The following CDH16 variants were observed in gnomAD, a reference collection of about 807,000 sequenced individuals.
CDH16 encodes the protein cadherin 16, also known as cadherin-16.
A neutral mutation model predicts 87.6 loss-of-function variants in CDH16; 79 were observed. That is an observed-to-expected ratio of 0.90 (90% CI 0.75 to 1.09). The LOEUF (loss-of-function observed/expected upper bound fraction) is 1.09, where lower values mean the gene tolerates loss of function less well. Ranked by LOEUF, CDH16 falls within the 50% of genes least tolerant of loss-of-function variation. The probability of loss-of-function intolerance (pLI) is 0.00; values close to 1 mark genes in which losing one functional copy is unlikely to be tolerated. For missense variants in CDH16, 1,124 were observed against 1,071.7 expected, an observed-to-expected ratio of 1.05 and a Z score of -0.68; for synonymous variants, 457 against 439.5, an observed-to-expected ratio of 1.04 and a Z score of -0.50.
Position 66,910,198 on chromosome 16 carries a change from C to T in CDH16, c.2167+62G>A, listed in dbSNP as rs1436210181. ...ACCCCCATGGTAGAAGGGTATCTCA[C>T]TTCCAAGTGACACCCCCTCCCTGCC... is the stretch of plus-strand genomic sequence containing the variant. On this transcript the variant is annotated intron_variant, in intron 15 of 17. Transcript: ENST00000299752. The T allele has an allele frequency of 4.5e-6, 7 of 1,556,674 alleles. No homozygotes were observed. In the South Asian group the frequency reaches 8.6e-5, roughly 19 times the overall value.
At chr16:66,917,616 G>A (rs573601601) in intron 3 of CDH16, 26 bp downstream of exon 3, 1 of 1,572,918 alleles carries the variant, frequency 6.4e-7, no homozygotes, top group South Asian at 1.1e-5. Context: ...GATCCCCCCG[G>A]CCCCAACCCC....
rs1281324312 is a variant in CDH16 at position 66,912,344 on chromosome 16, G to A, written c.1446C>T (p.Ala482=). 2 of 1,614,170 alleles carry A rather than the reference G, an allele frequency of 1.2e-6. No individual in the cohort carries two copies. The highest frequency in any genetic ancestry group is 4.5e-5 in the East Asian group (2 of 44,878). ...LTAIDADLEP[A]FRLMDFAIER... ...CAATGGCAAAATCCATGAGGCGGAA[G>A]GCGGGCTCGAGGTCAGCATCAATGG... The change falls in exon 12 of 18, where the codon GCC becomes GCT. Residue 482 remains alanine (A), a synonymous_variant. Transcript: ENST00000299752.
At chr16:66,917,913 C>T in intron 2 of CDH16, 108 bp downstream of exon 2, 2 of 1,110,236 alleles carry the variant, frequency 1.8e-6, no homozygotes, top group Non-Finnish European at 1.3e-6. Context: ...CCCTCCCATG[C>T]CTTGCACCGT....
chr16:66,917,229 G>A (rs1057195478), intron 3 of CDH16, among the ~76,000 whole-genome samples: 58 of 152,032 alleles, frequency 3.8e-4, no homozygotes, highest in African/African-American at 1.4e-3. Flanking sequence ...AACCCAGGAC[G>A]TGGAAGTTGC....
In CDH16 at chr16:66,912,095, C is replaced by T. The variant is rs199764570; in HGVS notation, c.1594G>A (p.Val532Met). The part of the protein sequence containing the change: ...AAPSHEVVVV[V>M]QSVAKLVGPG... ...CCCACCAGCTTCGCCACACTCTGCA[C>T]CACCACCACCACCTCATGACTTGGA... Residue 532 changes from valine to methionine, a missense_variant, in exon 13 of 18, where the codon GTG (valine) becomes ATG (methionine). Coordinates refer to ENST00000299752, the MANE Select transcript of CDH16 (RefSeq NM_004062.4). 6.2e-7 allele frequency: 1 copy of T among 1,613,432 alleles called. No individual in the cohort carries two copies. The highest frequency in any genetic ancestry group is 8.5e-7 in the Non-Finnish European group (1 of 1,179,678).
In CDH16 at chr16:66,910,032, G is replaced by A. The variant is rs146295247; in HGVS notation, c.2229C>T (p.Pro743=). The part of the protein sequence containing the change: ...HWVEPREHII[P]VVVSHNAQMW... Reference sequence around the variant, plus strand: ...TCTGGGCATTGTGGCTGACCACCACGGGGATTATGTGTTCACGTGGCTCCA... The same window carrying A: ...TCTGGGCATTGTGGCTGACCACCACAGGGATTATGTGTTCACGTGGCTCCA... The change falls in exon 16 of 18, where the codon CCC becomes CCT. Residue 743 remains proline (P), a synonymous_variant. Transcript: ENST00000299752. The A allele has an allele frequency of 1.4e-4, 220 of 1,612,662 alleles. No individual in the cohort carries two copies. The highest frequency in any genetic ancestry group is 1.7e-4 in the Non-Finnish European group (197 of 1,179,182).
Position 66,912,826 on chromosome 16 carries a change from C to T in CDH16, c.1120G>A (p.Val374Met), listed in dbSNP as rs760998434. 31 of 1,613,564 alleles carry T rather than the reference C, an allele frequency of 1.9e-5. No homozygotes were observed. The highest frequency in any genetic ancestry group is 2.5e-5 in the Non-Finnish European group (30 of 1,180,020). ...GGCTCAGGGCTCAGGAGCTGATACA[C>T]AACGTGGGAATTGGGGGAGCCGGGG... is the stretch of plus-strand genomic sequence containing the variant. Reference protein sequence around the residue: ...DAPGSPNSHVVYQLLSPEPED... With the variant: ...DAPGSPNSHVMYQLLSPEPED... The change falls in exon 10 of 18, where the codon GTG becomes ATG. Residue 374 changes from valine (V) to methionine (M), a missense_variant. Coordinates refer to ENST00000299752, the MANE Select transcript of CDH16 (RefSeq NM_004062.4).
At position 66,912,128 on chromosome 16, in the gene CDH16, C is replaced by T; in HGVS notation, c.1561G>A (p.Glu521Lys). ...RLRLCKNLSYEAAPSHEVVVV... is the reference protein window; with the variant it reads ...RLRLCKNLSYKAAPSHEVVVV... ...ACCACCTCATGACTTGGAGCTGCCT[C>T]ATAACTGAGGTTCTGGAACCAGGAG... Residue 521 changes from glutamate (E) to lysine (K), a missense_variant, in exon 13 of 18, where the codon GAG becomes AAG. Glu to Lys is a moderately conservative substitution (Grantham distance 56, BLOSUM62 1). Coordinates refer to ENST00000299752, the MANE Select transcript of CDH16 (RefSeq NM_004062.4). 6.2e-7 allele frequency: 1 copy of T among 1,612,578 alleles called. No individual in the cohort carries two copies. The highest frequency in any genetic ancestry group is 1.1e-5 in the South Asian group (1 of 91,006).
Position 66,913,513 on chromosome 16 carries a change from A to G in CDH16, c.881T>C (p.Leu294Pro). The change falls in exon 8 of 18, where the codon CTG becomes CCG. Residue 294 changes from leucine (L) to proline (P), a missense_variant. Leu to Pro is a moderately conservative substitution (Grantham distance 98). Transcript: ENST00000299752. Reference sequence around the variant, plus strand: ...CACCTCAGCCTGGGCTTCTCTGTCCAGCTCTCTGGTCACGTAGAGGTTTCC... The same window carrying G: ...CACCTCAGCCTGGGCTTCTCTGTCCGGCTCTCTGGTCACGTAGAGGTTTCC... ...AEGNLYVTRE[L>P]DREAQAEYLL... The G allele has an allele frequency of 1.2e-6, 2 of 1,614,006 alleles. No homozygotes were observed. Among genetic ancestry groups the G allele is most frequent in the Non-Finnish European group, 1.7e-6 (2 of 1,179,960 alleles).
Position 66,910,454 on chromosome 16 carries a change from T to C in CDH16, c.1973A>G (p.Lys658Arg). 17 of 1,571,188 alleles carry C rather than the reference T, an allele frequency of 1.1e-5. No individual in the cohort carries two copies. Among genetic ancestry groups the C allele is most frequent in the Non-Finnish European group, 1.4e-5 (16 of 1,154,820 alleles). Residue 658 changes from lysine to arginine, a missense_variant, in exon 15 of 18, where the codon AAG (lysine) becomes AGG (arginine). Physicochemically the swap from Lys to Arg is conservative, Grantham distance 26 (BLOSUM62 2). Transcript: ENST00000299752. ...AGTCAGGGCTGGGGCAGGAGGGGCC[T>C]TTAGGAAGTGGATCACCAGGGGTGC... Reference protein sequence around the residue: ...ASAPLVIHFLKAPPAPALTLA... With the variant: ...ASAPLVIHFLRAPPAPALTLA...
rs1349173795 is a variant in CDH16 at position 66,913,180 on chromosome 16, G to C, written c.1005C>G (p.Ile335Met). 6.2e-7 allele frequency: 1 copy of C among 1,608,582 alleles called. No homozygotes were observed. The highest frequency in any genetic ancestry group is 1.7e-5 in the Admixed American group (1 of 59,188). The change falls in exon 9 of 18, where the codon ATC becomes ATG. Residue 335 changes from isoleucine (I) to methionine (M), a missense_variant. Ile to Met is a conservative substitution (Grantham distance 10). Transcript: ENST00000299752. ...LVMDENDNVP[I>M]CPPRDPTVSI... ...TGACTGTGGGGTCACGGGGAGGGCA[G>C]ATAGGCACGTTGTCATTCTCATCCA...
In CDH16 at chr16:66,910,487, C is replaced by T. The variant is rs138616578; in HGVS notation, c.1940G>A (p.Ser647Asn). Residue 647 changes from serine (S) to asparagine (N), a missense_variant, in exon 15 of 18, where the codon AGC (serine) becomes AAC (asparagine). Physicochemically the swap from Ser to Asn is conservative, Grantham distance 46 (BLOSUM62 1). Coordinates refer to ENST00000299752, the MANE Select transcript of CDH16 (RefSeq NM_004062.4). ...EAQDTDEPRL[S>N]ASAPLVIHFL... is the part of the protein sequence containing the mutation. Reference sequence around the variant, plus strand: ...GTGGATCACCAGGGGTGCAGAAGCGCTCAGTCTCGGCTCATCTGCAGAGGA... The same window carrying T: ...GTGGATCACCAGGGGTGCAGAAGCGTTCAGTCTCGGCTCATCTGCAGAGGA... 5.2e-6 allele frequency: 8 copies of T among 1,538,592 alleles called. No homozygotes were observed. The Admixed American group carries it at 7.7e-5, about 15-fold the overall frequency.
rs183653442 is a variant in CDH16, at chr16:66,913,953, G to A, written c.780+263C>T. Among the ~76,000 whole-genome samples, 4 of 152,358 alleles carry A rather than the reference G, an allele frequency of 2.6e-5. No homozygotes were observed. In the East Asian group the frequency reaches 7.7e-4, roughly 29 times the overall value. On this transcript the variant is annotated intron_variant, in intron 7 of 17. Transcript: ENST00000299752. ...CCCATGGCAGCAAGAGATGGCAGCT[G>A]TTCTCTCTGAGGAAGCCCTGGGCAA...
intron 6 of CDH16, 115 bp from the exon 7 acceptor site, chr16:66,914,527 C>T: frequency 1.4e-6 from 1 of 729,136 alleles, no homozygotes; most frequent in Non-Finnish European, 2.3e-6. Flanking sequence ...TTGGGACACT[C>T]TCTTGGCCAA....
At chr16:66,917,840 T>C in intron 2 of CDH16, 115 bp from the exon 3 acceptor site, 1 of 1,038,538 alleles carries the variant, frequency 9.6e-7, no homozygotes. Context: ...CCTTAGTCCA[T>C]CCACCCGCGC....
At chr16:66,908,837 A>G (rs1027349059) in intron 17 of CDH16, among the ~76,000 whole-genome samples, 5 of 152,198 alleles carry the variant, frequency 3.3e-5, no homozygotes, top group Non-Finnish European at 5.9e-5. Flanking sequence ...AGCAAGGAGA[A>G]AATTTGAGGG....
intron 6 of CDH16, 85 bp downstream of exon 6, chr16:66,915,135 C>T: frequency 2.3e-6 from 3 of 1,332,814 alleles, no homozygotes; most frequent in Non-Finnish European, 3.1e-6. Flanking sequence ...CTCAAGCTCC[C>T]ACCCATGCTT....
At chr16:66,914,042 G>A (rs1205160259) in intron 7 of CDH16, among the ~76,000 whole-genome samples, 174 bp downstream of exon 7, 1 of 152,230 alleles carries the variant, frequency 6.6e-6, no homozygotes, top group African/African-American at 2.4e-5. Context: ...GAGGGGCTGT[G>A]GGCCTGCGTC....
At position 66,915,329 on chromosome 16, in the gene CDH16, T is replaced by G; in HGVS notation, c.474A>C (p.Thr158=). Residue 158 remains threonine (T), a synonymous_variant, in exon 6 of 18, where the codon ACA becomes ACC. Coordinates refer to ENST00000299752, the MANE Select transcript of CDH16 (RefSeq NM_004062.4). Reference sequence around the variant, plus strand: ...TGTGGAATCGAAGATCCGAGTTGGCTGTGCCTGGCTCATCCCGGTCTGAAG... The same window carrying G: ...TGTGGAATCGAAGATCCGAGTTGGCGGTGCCTGGCTCATCCCGGTCTGAAG... The part of the protein sequence containing the change: ...LEASDRDEPG[T]ANSDLRFHIL... The G allele has an allele frequency of 6.2e-7, 1 of 1,613,670 alleles. No homozygotes were observed. The highest frequency in any genetic ancestry group is 8.5e-7 in the Non-Finnish European group (1 of 1,179,924).
Sources: allele counts gnomAD v4.1 joint callset (sites outside exome capture counted in the v4.1 genomes callset), GRCh38; gene constraint gnomAD v4.1.1; transcripts MANE v1.5; gene names NCBI Gene and HGNC (gene_info 2026-07-23, HGNC 2026-07-21).